FGD4: variants seen among roughly 807,000 people sequenced by gnomAD.
FGD4 encodes FYVE, RhoGEF and PH domain containing 4.
A neutral mutation model predicts 102.0 loss-of-function variants in FGD4; 42 were observed. The observed-to-expected ratio is 0.41, with a 90% CI of 0.32 to 0.53. The LOEUF (loss-of-function observed/expected upper bound fraction) is 0.53, where lower values mean the gene tolerates loss of function less well. Among genes scored for constraint, FGD4 ranks in the 20% least tolerant of loss-of-function variants. FGD4 has a pLI of 0.21. For missense variants in FGD4, 902 were observed against 1,078.2 expected (o/e 0.84, Z 2.29); for synonymous variants, 380 against 375.7 (o/e 1.01, Z -0.13).
chr12:32,608,642 G>GT (rs1035303771), intron 8 of FGD4, among the ~76,000 whole-genome samples: 1 of 152,102 alleles, frequency 6.6e-6, no homozygotes, highest in African/African-American at 2.4e-5. Flanking sequence ...AATGAAAGGG[G>GT]TTTTTTTAAA....
chr12:32,516,167 T>G (rs918689498), intron 1 of FGD4, among the ~76,000 whole-genome samples: 1 of 152,080 alleles, frequency 6.6e-6, no homozygotes, highest in Non-Finnish European at 1.5e-5. Context: ...TAATTTCCCT[T>G]TTGCTTTTTA....
chr12:32,429,328 C>G (rs529338915), intron 1 of FGD4, among the ~76,000 whole-genome samples: 1 of 152,266 alleles, frequency 6.6e-6, no homozygotes, highest in Admixed American at 6.5e-5. Context: ...CATTCCAGAC[C>G]CTGTTTGCCT....
chr12:32,564,130 C>T lies in FGD4; in HGVS notation c.167-7C>T. On this transcript the variant is annotated splice_polypyrimidine_tract_variant and splice_region_variant and intron_variant, in intron 1 of 16. Transcript: ENST00000534526. ...CTTACCTGCCCTTTCTTTCTGAACT[C>T]TTGCAGGCAGCAGTACCTGTCCAAA... is the stretch of plus-strand genomic sequence containing the variant. 1 of 1,534,594 alleles carries T rather than the reference C, an allele frequency of 6.5e-7. No homozygotes were observed. The highest frequency in any genetic ancestry group is 1.2e-5 in the South Asian group (1 of 83,792).
At chr12:32,637,183 C>T (rs1950887220) in intron 15 of FGD4, among the ~76,000 whole-genome samples, 2 of 151,210 alleles carry the variant, frequency 1.3e-5, no homozygotes, top group African/African-American at 4.9e-5. Flanking sequence ...GCCACCGCAC[C>T]CAGCCTTTTA....
At chr12:32,421,686 C>T (rs371365326) in intron 1 of FGD4, among the ~76,000 whole-genome samples, 31 of 152,266 alleles carry the variant, frequency 2.0e-4, no homozygotes, top group Admixed American at 1.6e-3. Flanking sequence ...TAAAAGGACT[C>T]CTTTCTTCTG....
intron 1 of FGD4, among the ~76,000 whole-genome samples, chr12:32,542,278 T>C (rs1425345687): frequency 1.3e-5 from 2 of 152,244 alleles, no homozygotes; most frequent in East Asian, 1.9e-4. Context: ...TGGGATGTTT[T>C]AGCTGCTAGA....
chr12:32,609,532 T>C (rs960095740), intron 8 of FGD4, among the ~76,000 whole-genome samples: 16 of 152,210 alleles, frequency 1.1e-4, no homozygotes, highest in Admixed American at 9.8e-4. Flanking sequence ...TTCTTTAAAA[T>C]GTAAATTAAA....
chr12:32,521,773 C>A (rs552164102), intron 1 of FGD4, among the ~76,000 whole-genome samples: 1 of 152,232 alleles, frequency 6.6e-6, no homozygotes, highest in African/African-American at 2.4e-5. Context: ...ATAACATTTG[C>A]CTCTGCTATC....
chr12:32,576,511 G>A, intron 3 of FGD4, 62 bp downstream of exon 3: 5 of 1,519,928 alleles, frequency 3.3e-6, no homozygotes, highest in Non-Finnish European at 4.6e-6. Flanking sequence ...TCGAAAAAAT[G>A]ATAGTCATAG....
rs562554429 is a variant in FGD4 at position 32,487,338 on chromosome 12, T to C, written c.167-76799T>C. Among the ~76,000 whole-genome samples the C allele has an allele frequency of 4.6e-5, 7 of 152,382 alleles. No homozygotes were observed. The South Asian group carries it at 1.4e-3, about 32-fold the overall frequency. On this transcript the variant is annotated intron_variant, in intron 1 of 16. Transcript: ENST00000534526. Reference sequence around the variant, plus strand: ...TGTTGGGCATATCTTTGTTTAAATTTATGAATATTACCCTTTTTACACTTT... The same window carrying C: ...TGTTGGGCATATCTTTGTTTAAATTCATGAATATTACCCTTTTTACACTTT...
intron 1 of FGD4, among the ~76,000 whole-genome samples, chr12:32,475,362 T>C (rs1943558182): frequency 6.6e-6 from 1 of 152,166 alleles, no homozygotes; most frequent in African/African-American, 2.4e-5. Flanking sequence ...AGGTAAAAAA[T>C]ACTCCCACAA....
chr12:32,503,125 T>C (rs1277613272), intron 1 of FGD4, among the ~76,000 whole-genome samples: 1 of 152,202 alleles, frequency 6.6e-6, no homozygotes, highest in Non-Finnish European at 1.5e-5. Context: ...TTGTATCCCC[T>C]TCCCCAAAAC....
At chr12:32,403,191 G>A (rs1420566255) in intron 1 of FGD4, among the ~76,000 whole-genome samples, 1 of 152,174 alleles carries the variant, frequency 6.6e-6, no homozygotes, top group Non-Finnish European at 1.5e-5. Flanking sequence ...GTTATGTCAT[G>A]TTCTGTGGTT....
intron 14 of FGD4, among the ~76,000 whole-genome samples, chr12:32,630,898 A>C (rs1289507522): frequency 6.6e-6 from 1 of 151,752 alleles, no homozygotes; most frequent in African/African-American, 2.4e-5. Context: ...GGACGGCTTG[A>C]GCTCAGGAGG....
rs1394613882 is a variant in FGD4 at position 32,588,436 on chromosome 12, G to GTAT, written c.1011+5970_1011+5971insATT. 1.9e-3 allele frequency among the ~76,000 whole-genome samples: 287 copies of GTAT among 152,332 alleles called. 2 individuals carry two copies. The highest frequency in any genetic ancestry group is 6.7e-3 in the African/African-American group (279 of 41,568). The stretch of plus-strand genomic sequence containing the variant: ...GCTAAGGTTTACATCATGGCTATTA[G>GTAT]TGTGAATTCACTGTTGTTAGCAGAA... On this transcript the variant is annotated intron_variant, in intron 4 of 16. Coordinates refer to ENST00000534526, the MANE Select transcript of FGD4 (RefSeq NM_001370298.3).
In FGD4 at chr12:32,506,951, T is replaced by C. The variant is rs923272374; in HGVS notation, c.167-57186T>C. ...TTATTTATTTTTTATTATTATACTT[T>C]AAGTTTTAGGGCACATGTGCACAAC... On this transcript the variant is annotated intron_variant, in intron 1 of 16. Coordinates refer to ENST00000534526, the MANE Select transcript of FGD4 (RefSeq NM_001370298.3). This position sits in a 1 kb window ranked among gnomAD's most constrained non-coding sequence, Gnocchi z 4.5. Among the ~76,000 whole-genome samples, 2 of 152,136 alleles carry C rather than the reference T, an allele frequency of 1.3e-5. No individual in the cohort carries two copies. Among genetic ancestry groups the C allele is most frequent in the Admixed American group, 6.5e-5 (1 of 15,272 alleles).
intron 1 of FGD4, among the ~76,000 whole-genome samples, chr12:32,540,410 A>G (rs1415601384): frequency 6.6e-6 from 1 of 152,262 alleles, no homozygotes; most frequent in Admixed American, 6.5e-5. Flanking sequence ...GAACCAACGT[A>G]TGCAAAAGCA....
At chr12:32,473,039 G>A (rs1476789025) in intron 1 of FGD4, among the ~76,000 whole-genome samples, 1 of 151,380 alleles carries the variant, frequency 6.6e-6, no homozygotes, top group Non-Finnish European at 1.5e-5. Flanking sequence ...TAGCTGCTCT[G>A]GTGGGGCCTT....
rs2137095979 is a variant in FGD4 at position 32,640,592 on chromosome 12, C to A, written c.*59C>A. The A allele has an allele frequency of 6.2e-7, 1 of 1,610,574 alleles. No homozygotes were observed. The highest frequency in any genetic ancestry group is 2.1e-4 in the Middle Eastern group (1 of 4,696). ...CAGGACTTACAGCTCAAGACATTCCCAGCTCTTCTTACACATCTGCTAGCA... is the reference window on the plus strand; with the variant it reads ...CAGGACTTACAGCTCAAGACATTCCAAGCTCTTCTTACACATCTGCTAGCA... On this transcript the variant is annotated 3_prime_UTR_variant, in exon 17 of 17. Transcript: ENST00000534526.
Sources: gnomAD v4.1 joint callset for allele counts (sites outside exome capture counted in the v4.1 genomes callset) on GRCh38, gnomAD v4.1.1 for gene constraint, Gnocchi (gnomAD v3.1) non-coding constraint, MANE v1.5 for transcripts, NCBI Gene and HGNC (gene_info 2026-07-23, HGNC 2026-07-21) for gene names.